The following CDH13 variants were observed in gnomAD, a reference collection of about 807,000 sequenced individuals.
CDH13 encodes the protein cadherin-13.
Under a neutral mutation model 63.8 loss-of-function variants are expected in CDH13, and 24 were observed. The observed-to-expected ratio is 0.38, with a 90% CI of 0.27 to 0.53. CDH13 has a LOEUF of 0.53. Among genes scored for constraint, CDH13 ranks in the 20% least tolerant of loss-of-function variants. The probability of loss-of-function intolerance (pLI) is 0.85; values close to 1 mark genes in which losing one functional copy is unlikely to be tolerated. For synonymous variants in CDH13, 503 were observed against 355.3 expected, an observed-to-expected ratio of 1.42 and a Z score of -4.67; for missense variants, 1,049 against 903.1, an observed-to-expected ratio of 1.16 and a Z score of -2.07.
intron 4 of CDH13, chr16:83,181,209 G>GTAT: frequency 2.2e-6 from 1 of 445,086 alleles, no homozygotes; most frequent in Non-Finnish European, 4.0e-6. Flanking sequence ...AAGTCATTTA[G>GTAT]TATTAGGGGA....
At chr16:82,898,139 A>C (rs1302518201) in intron 2 of CDH13, among the ~76,000 whole-genome samples, 2 of 152,246 alleles carry the variant, frequency 1.3e-5, no homozygotes, top group African/African-American at 2.4e-5. Flanking sequence ...TTAAAATGAT[A>C]GTTTTTGGTC....
intron 1 of CDH13, among the ~76,000 whole-genome samples, chr16:82,736,622 C>G (rs80262526): frequency 0.014 from 2,180 of 152,178 alleles, 49 homozygotes; most frequent in African/African-American, 0.05. Flanking sequence ...TTTTTTTCCT[C>G]TCTCCGCTAG....
At chr16:82,650,669 G>A (rs1259875150) in intron 1 of CDH13, among the ~76,000 whole-genome samples, 1 of 152,100 alleles carries the variant, frequency 6.6e-6, no homozygotes, top group African/African-American at 2.4e-5. Flanking sequence ...TCTAGCCTTG[G>A]TTTCCAGAAA....
At chr16:83,242,247 A>C (rs1904532434) in intron 5 of CDH13, among the ~76,000 whole-genome samples, 1 of 152,226 alleles carries the variant, frequency 6.6e-6, no homozygotes, top group Non-Finnish European at 1.5e-5. Flanking sequence ...GTATGTTTCT[A>C]AAACAGGAAG....
intron 1 of CDH13, among the ~76,000 whole-genome samples, chr16:82,814,244 G>C (rs1309302805): frequency 6.6e-6 from 1 of 152,150 alleles, no homozygotes; most frequent in Admixed American, 6.5e-5. Flanking sequence ...CTGACACAGA[G>C]CTCCGAAATC....
At chr16:83,262,574 G>C (rs1294973052) in intron 5 of CDH13, among the ~76,000 whole-genome samples, 1 of 152,188 alleles carries the variant, frequency 6.6e-6, no homozygotes, top group African/African-American at 2.4e-5. Context: ...GGAGACCCTA[G>C]AGAATGTTCT....
At chr16:83,125,150 G>T (rs1158994941) in intron 3 of CDH13, among the ~76,000 whole-genome samples, 4 of 152,212 alleles carry the variant, frequency 2.6e-5, no homozygotes, top group Non-Finnish European at 5.9e-5. Flanking sequence ...ATTGTGAATA[G>T]AATGATTTGG....
At chr16:83,787,792 A>C (rs1038618243) in intron 13 of CDH13, among the ~76,000 whole-genome samples, 1 of 152,132 alleles carries the variant, frequency 6.6e-6, no homozygotes, top group Admixed American at 6.5e-5. Context: ...AAAATACAAA[A>C]ATTAGCCAGG....
intron 7 of CDH13, among the ~76,000 whole-genome samples, chr16:83,542,396 A>T (rs950535986): frequency 1.8e-4 from 28 of 152,218 alleles, no homozygotes; most frequent in African/African-American, 6.8e-4. Context: ...TTAGGTGCGT[A>T]TCACAACACA....
At chr16:83,315,214 C>T (rs1040445450) in intron 5 of CDH13, among the ~76,000 whole-genome samples, 4 of 152,186 alleles carry the variant, frequency 2.6e-5, no homozygotes, top group African/African-American at 7.2e-5. Flanking sequence ...GGCGTCTTAC[C>T]AGTAAACTCC....
intron 1 of CDH13, among the ~76,000 whole-genome samples, chr16:82,847,230 C>A (rs542618508): frequency 6.6e-6 from 1 of 152,214 alleles, no homozygotes; most frequent in African/African-American, 2.4e-5. Context: ...GCTGCTGTAA[C>A]AAATGACCAC....
At chr16:83,097,521 GGAT>G (rs1235066415) in intron 3 of CDH13, among the ~76,000 whole-genome samples, 1 of 152,192 alleles carries the variant, frequency 6.6e-6, no homozygotes, top group African/African-American at 2.4e-5. Context: ...AAGGCTGTAA[GGAT>G]GATCTCACTG....
At chr16:83,285,190 T>G (rs546596968) in intron 5 of CDH13, among the ~76,000 whole-genome samples, 3 of 152,220 alleles carry the variant, frequency 2.0e-5, no homozygotes, top group Non-Finnish European at 4.4e-5. Flanking sequence ...TTCTTATTAA[T>G]GCAGAAAGTC....
intron 2 of CDH13, among the ~76,000 whole-genome samples, chr16:82,877,952 CACACACACATAT>C (rs201554421): frequency 0.15 from 22,235 of 143,558 alleles, 2,266 homozygotes; most frequent in East Asian, 0.56. Context: ...CACACACACA[CACACACACATAT>C]ACACACACAC....
At chr16:82,945,572 G>A (rs1567683138) in intron 2 of CDH13, among the ~76,000 whole-genome samples, 1 of 152,132 alleles carries the variant, frequency 6.6e-6, no homozygotes, top group Non-Finnish European at 1.5e-5. Context: ...GCATATCAAG[G>A]ATTTTGTGTT....
intron 5 of CDH13, among the ~76,000 whole-genome samples, chr16:83,344,234 G>GT (rs953593078): frequency 3.9e-5 from 6 of 152,118 alleles, no homozygotes; most frequent in African/African-American, 1.4e-4. Flanking sequence ...CAAAAAAGTT[G>GT]TTTTTTTATG....
At chr16:82,864,446 A>C (rs747726428) in intron 2 of CDH13, among the ~76,000 whole-genome samples, 1 of 152,144 alleles carries the variant, frequency 6.6e-6, no homozygotes, top group Non-Finnish European at 1.5e-5. Context: ...GAAGCTTACA[A>C]TCATGGCAGA....
chr16:82,672,964 G>C (rs368691672), intron 1 of CDH13, among the ~76,000 whole-genome samples: 1 of 142,532 alleles, frequency 7.0e-6, no homozygotes, highest in Non-Finnish European at 1.5e-5. Flanking sequence ...GCAGGATTGC[G>C]TGCCACCATG....
chr16:83,103,944 T>C (rs2034639228), intron 3 of CDH13, among the ~76,000 whole-genome samples: 1 of 152,236 alleles, frequency 6.6e-6, no homozygotes, highest in Non-Finnish European at 1.5e-5. Context: ...ACTCCTTTCC[T>C]GTGGGGCAAG....
Sources: gnomAD v4.1 joint callset for allele counts (sites outside exome capture counted in the v4.1 genomes callset) on GRCh38, gnomAD v4.1.1 for gene constraint, MANE v1.5 for transcripts, NCBI Gene and HGNC (gene_info 2026-07-23, HGNC 2026-07-21) for gene names.